FCHSD2: variants seen among roughly 807,000 people sequenced by gnomAD.
FCHSD2 encodes FCH and double SH3 domains 2, also known as F-BAR and double SH3 domains protein 2.
Under a neutral mutation model 108.1 loss-of-function variants are expected in FCHSD2, and 38 were observed. The observed-to-expected ratio is 0.35, with a 90% CI of 0.27 to 0.46. The LOEUF is 0.46. Ranked by LOEUF, FCHSD2 falls within the 20% of genes least tolerant of loss-of-function variation. The pLI is 1.00. For missense variants in FCHSD2, 751 were observed against 897.8 expected (o/e 0.84, Z 2.09); for synonymous variants, 279 against 314.7 (o/e 0.89, Z 1.20).
At chr11:73,089,656 T>A (rs1859906454) in intron 2 of FCHSD2, among the ~76,000 whole-genome samples, 1 of 152,188 alleles carries the variant, frequency 6.6e-6, no homozygotes, top group Admixed American at 6.5e-5. Flanking sequence ...CTCAATAACA[T>A]TACGCTAAGT....
At chr11:73,092,133 ATCT>A (rs1230152549) in intron 2 of FCHSD2, among the ~76,000 whole-genome samples, 3 of 152,012 alleles carry the variant, frequency 2.0e-5, no homozygotes, top group Non-Finnish European at 4.4e-5. Flanking sequence ...ATCCTCCAGC[ATCT>A]TCTTTTTTAG....
chr11:73,066,852 T>C (rs2135494137), intron 3 of FCHSD2, among the ~76,000 whole-genome samples: 1 of 152,260 alleles, frequency 6.6e-6, no homozygotes, highest in East Asian at 1.9e-4. Flanking sequence ...GGAGAGGATG[T>C]GGAGAAATAG....
At chr11:73,106,050 T>C (rs144435093) in intron 2 of FCHSD2, among the ~76,000 whole-genome samples, 75 of 152,316 alleles carry the variant, frequency 4.9e-4, no homozygotes, top group Non-Finnish European at 3.5e-4. Context: ...GGATGAACTT[T>C]AGAAATTATG....
At chr11:73,038,142 A>G (rs1462793395) in intron 3 of FCHSD2, among the ~76,000 whole-genome samples, 1 of 152,106 alleles carries the variant, frequency 6.6e-6, no homozygotes, top group African/African-American at 2.4e-5. Flanking sequence ...CCAGGAGTTC[A>G]AGCCAAGCCT....
In FCHSD2 at chr11:72,959,969, A is replaced by G. The variant is rs1290615366; in HGVS notation, c.705+24119T>C. Among the ~76,000 whole-genome samples, 6 of 152,122 alleles carry G rather than the reference A, an allele frequency of 3.9e-5. No individual in the cohort carries two copies. The South Asian group carries it at 1.0e-3, about 26-fold the overall frequency. ...GGAAGATGGTTTTAAAAGCACAGAT[A>G]TATAGGAAGAAACCTACACACTTCA... On this transcript the variant is annotated intron_variant, in intron 8 of 19. Transcript: ENST00000409418.
intron 2 of FCHSD2, among the ~76,000 whole-genome samples, chr11:73,118,674 T>C (rs765005780): frequency 3.9e-5 from 6 of 152,236 alleles, no homozygotes; most frequent in Non-Finnish European, 7.3e-5. Context: ...TACTGATTTC[T>C]ATTTTCATTG....
chr11:73,069,116 G>C (rs552422352), intron 3 of FCHSD2, among the ~76,000 whole-genome samples: 1 of 150,236 alleles, frequency 6.7e-6, no homozygotes, highest in South Asian at 2.1e-4. Flanking sequence ...TTTGAGACCA[G>C]TCTGGCCAAA....
intron 13 of FCHSD2, among the ~76,000 whole-genome samples, chr11:72,861,433 T>C (rs1861572575): frequency 6.7e-6 from 1 of 150,132 alleles, no homozygotes; most frequent in East Asian, 1.9e-4. Context: ...ATAACAGCCC[T>C]GGTAAATTCC....
At chr11:73,064,782 A>G (rs949488030) in intron 3 of FCHSD2, among the ~76,000 whole-genome samples, 5 of 152,208 alleles carry the variant, frequency 3.3e-5, no homozygotes, top group Non-Finnish European at 5.9e-5. Flanking sequence ...TCCTTGACAC[A>G]TACACCCTCC....
rs1007483810 is a variant in FCHSD2, at chr11:72,981,654, G to T, written c.705+2434C>A. Among the ~76,000 whole-genome samples, 21 of 152,110 alleles carry T rather than the reference G, an allele frequency of 1.4e-4. 1 individual carries two copies. The highest frequency in any genetic ancestry group is 1.2e-3 in the Admixed American group (19 of 15,252). ...TCTTTGAAACTGTTGGTCCTTGTAA[G>T]TCTGAAGCACTATGTAATACCTAAT... is the stretch of plus-strand genomic sequence containing the variant. On this transcript the variant is annotated intron_variant, in intron 8 of 19. Transcript: ENST00000409418.
At chr11:73,013,120 T>C (rs1170195719) in intron 4 of FCHSD2, among the ~76,000 whole-genome samples, 1 of 152,206 alleles carries the variant, frequency 6.6e-6, no homozygotes, top group East Asian at 1.9e-4. Context: ...AAGCAAACTC[T>C]ATACTGTGAT....
chr11:72,988,874 G>A lies in FCHSD2; in HGVS notation c.521+90C>T, dbSNP rs1423956598. The A allele has an allele frequency of 6.6e-6, 7 of 1,059,138 alleles. No homozygotes were observed. In the South Asian group the frequency reaches 1.0e-4, roughly 15 times the overall value. 65.6% of individuals were successfully genotyped at this position (1,059,138 alleles called of 1,614,324 possible). ...TGAAACCACCACTACCTGAGAATGGGTCCATGCTCACTACTAATAGAGAAC... is the reference window on the plus strand; with the variant it reads ...TGAAACCACCACTACCTGAGAATGGATCCATGCTCACTACTAATAGAGAAC... On this transcript the variant is annotated intron_variant, in intron 6 of 19. Transcript: ENST00000409418.
At chr11:72,939,729 A>G (rs904920454) in intron 8 of FCHSD2, among the ~76,000 whole-genome samples, 6 of 137,158 alleles carry the variant, frequency 4.4e-5, no homozygotes, top group African/African-American at 5.5e-5. Context: ...AGTGATTCTT[A>G]TGCCTCAGCC....
chr11:73,126,957 G>A (rs1860873846), intron 2 of FCHSD2, among the ~76,000 whole-genome samples: 1 of 152,186 alleles, frequency 6.6e-6, no homozygotes, highest in Admixed American at 6.5e-5. Flanking sequence ...AGAATTGCTG[G>A]AACACGGGAG....
At chr11:73,061,172 C>T (rs1859153202) in intron 3 of FCHSD2, among the ~76,000 whole-genome samples, 1 of 152,196 alleles carries the variant, frequency 6.6e-6, no homozygotes, top group Non-Finnish European at 1.5e-5. Context: ...CGAGCCGAAG[C>T]AGGGTGGGGG....
chr11:73,102,247 C>T (rs1241433254), intron 2 of FCHSD2, among the ~76,000 whole-genome samples: 1 of 152,146 alleles, frequency 6.6e-6, no homozygotes, highest in African/African-American at 2.4e-5. Context: ...GGATTTGGTA[C>T]AACTAAAATG....
intron 5 of FCHSD2, among the ~76,000 whole-genome samples, chr11:72,995,479 A>G (rs996479308): frequency 4.6e-5 from 7 of 151,938 alleles, no homozygotes; most frequent in Admixed American, 2.6e-4. Context: ...AGGCGGCCAG[A>G]TATCTTGAGC....
At chr11:73,109,457 G>T (rs1206015766) in intron 2 of FCHSD2, among the ~76,000 whole-genome samples, 1 of 150,276 alleles carries the variant, frequency 6.7e-6, no homozygotes, top group Middle Eastern at 3.2e-3. Flanking sequence ...TTAATTCATA[G>T]GCATTTTATT....
In FCHSD2 at chr11:72,961,906, C is replaced by G. The variant is rs575078748; in HGVS notation, c.705+22182G>C. Among the ~76,000 whole-genome samples the G allele has an allele frequency of 2.6e-5, 4 of 152,266 alleles. No homozygotes were observed. In the South Asian group the frequency reaches 8.3e-4, roughly 32 times the overall value. On this transcript the variant is annotated intron_variant, in intron 8 of 19. Coordinates refer to ENST00000409418, the MANE Select transcript of FCHSD2 (RefSeq NM_014824.3). ...ATTTCAACTCGATGTGTAAATGCCACATTTCGTAACAAGAAAGCTCTTGGA... is the reference window on the plus strand; with the variant it reads ...ATTTCAACTCGATGTGTAAATGCCAGATTTCGTAACAAGAAAGCTCTTGGA...
Sources: gnomAD v4.1 joint callset for allele counts (sites outside exome capture counted in the v4.1 genomes callset) on GRCh38, gnomAD v4.1.1 for gene constraint, MANE v1.5 for transcripts, NCBI Gene and HGNC (gene_info 2026-07-23, HGNC 2026-07-21) for gene names.